The following AAGAB variants were observed in gnomAD, a reference collection of about 807,000 sequenced individuals.
AAGAB encodes the protein alpha and gamma adaptin binding protein.
AAGAB carries 38 observed loss-of-function variants against 44.1 expected under a neutral mutation model. The observed-to-expected ratio is 0.86, with a 90% CI of 0.67 to 1.13. The LOEUF (loss-of-function observed/expected upper bound fraction) is 1.13. Among genes scored for constraint, AAGAB ranks in the 50% most tolerant of loss-of-function variants. AAGAB has a pLI of 0.00. For missense variants in AAGAB, 450 were observed against 373.8 expected, an observed-to-expected ratio of 1.20 and a Z score of -1.68; for synonymous variants, 131 against 131.8, an observed-to-expected ratio of 0.99 and a Z score of 0.04.
chr15:67,209,881 G>A (rs1242160855), intron 5 of AAGAB, among the ~76,000 whole-genome samples: 1 of 152,100 alleles, frequency 6.6e-6, no homozygotes, highest in African/African-American at 2.4e-5. Context: ...TGCCCAGGCT[G>A]GTCTTGAACT....
intron 5 of AAGAB, among the ~76,000 whole-genome samples, chr15:67,223,378 T>A (rs944865297): frequency 2.6e-5 from 4 of 152,230 alleles, no homozygotes; most frequent in African/African-American, 9.6e-5. Context: ...GTTAGCTTCA[T>A]CTTGTAGCTG....
At chr15:67,250,515 G>C (rs565161626) in intron 1 of AAGAB, among the ~76,000 whole-genome samples, 1 of 152,282 alleles carries the variant, frequency 6.6e-6, no homozygotes, top group South Asian at 2.1e-4. Flanking sequence ...TCAAGGGCAG[G>C]AACAGTATCT....
At chr15:67,209,863 C>G (rs971873571) in intron 5 of AAGAB, among the ~76,000 whole-genome samples, 1 of 152,128 alleles carries the variant, frequency 6.6e-6, no homozygotes, top group South Asian at 2.1e-4. Context: ...GACAGGGTCT[C>G]ACTATGTTGC....
At chr15:67,220,365 T>C (rs192036007) in intron 5 of AAGAB, 2 of 152,358 alleles carry the variant, frequency 1.3e-5, no homozygotes, top group African/African-American at 2.4e-5. Flanking sequence ...CTTAGGTAAA[T>C]TAACACTCTG....
At chr15:67,235,895 A>C (rs1964449085) in intron 4 of AAGAB, 84 bp downstream of exon 4, 1 of 1,092,240 alleles carries the variant, frequency 9.2e-7, no homozygotes, top group Non-Finnish European at 1.3e-6. Context: ...AGTTTCTTGA[A>C]TTTTGCTGTG....
At chr15:67,254,842 G>C (rs563959836), upstream of AAGAB, 259 of 1,575,964 alleles carry the variant, frequency 1.6e-4, 1 homozygote, top group South Asian at 2.8e-3. Flanking sequence ...CCGGCTGAAG[G>C]TTTCCGTGCT....
At position 67,202,641 on chromosome 15, in the gene AAGAB, C is replaced by T; in HGVS notation, c.*180G>A. On this transcript the variant is annotated 3_prime_UTR_variant, in exon 10 of 10. Coordinates refer to ENST00000261880, the MANE Select transcript of AAGAB (RefSeq NM_024666.5). ...GTATTCCTCACTCTCTTACAATATA[C>T]TGAGGAAAAAAAAGATTTCTCCTTA... 1 of 604,454 alleles carries T rather than the reference C, an allele frequency of 1.7e-6. No individual in the cohort carries two copies. Among genetic ancestry groups the T allele is most frequent in the Non-Finnish European group, 3.0e-6 (1 of 336,170 alleles). The allele number at this position is 604,454 out of a possible 1,614,324, so 37.4% of individuals were successfully genotyped here. A position where few individuals can be genotyped will look rare whatever the true frequency, so the allele number is the denominator to read the frequency against.
chr15:67,254,600 G>A lies in AAGAB; in HGVS notation c.32C>T (p.Thr11Ile), dbSNP rs771204932. 5 of 1,609,536 alleles carry A rather than the reference G, an allele frequency of 3.1e-6. No individual in the cohort carries two copies. Among genetic ancestry groups the A allele is most frequent in the Non-Finnish European group, 4.2e-6 (5 of 1,178,996 alleles). Residue 11 changes from threonine to isoleucine, a missense_variant, in exon 1 of 10, where the codon ACC becomes ATC. Coordinates refer to ENST00000261880, the MANE Select transcript of AAGAB (RefSeq NM_024666.5). ...TCCTGAGAAGACGGAGGAGCAGCTG[G>A]TGACTAACGCACAGGGTACGCCAGC... MAAGVPCALV[T>I]SCSSVFSGDQ...
rs551866797 is a variant in AAGAB, at chr15:67,238,909, A to T, written c.74-2089T>A. On this transcript the variant is annotated intron_variant, in intron 1 of 9. Transcript: ENST00000261880. ...ACAGGGTTTCACCATGTTAGCCAGG[A>T]TGGTCTCGATCTCCTGACCTCGTGA... 2.0e-5 allele frequency among the ~76,000 whole-genome samples: 3 copies of T among 152,202 alleles called. No homozygotes were observed. In the East Asian group the frequency reaches 5.8e-4, roughly 29 times the overall value.
At chr15:67,248,436 A>C (rs1964781130) in intron 1 of AAGAB, among the ~76,000 whole-genome samples, 1 of 152,198 alleles carries the variant, frequency 6.6e-6, no homozygotes, top group South Asian at 2.1e-4. Flanking sequence ...TACCACAACA[A>C]AATAAGTAAC....
upstream of AAGAB, chr15:67,254,853 T>G (rs751036390): frequency 3.8e-6 from 6 of 1,595,966 alleles, no homozygotes; most frequent in East Asian, 4.6e-5. Context: ...TTTCCGTGCT[T>G]GGAAACCGCG....
At chr15:67,222,236 GCGCGCGCACACACACACACA>G (rs1964087749) in intron 5 of AAGAB, among the ~76,000 whole-genome samples, 1 of 39,234 alleles carries the variant, frequency 2.5e-5, no homozygotes, top group South Asian at 1.0e-3. Context: ...GCGCACGCGC[GCGCGCGCACACACACACACA>G]CACACACACA....
chr15:67,240,018 T>C (rs761776764), intron 1 of AAGAB, among the ~76,000 whole-genome samples: 1 of 152,218 alleles, frequency 6.6e-6, no homozygotes, highest in Non-Finnish European at 1.5e-5. Context: ...TCTTTCCTAC[T>C]ACACCGTGAT....
chr15:67,230,681 T>C (rs903534913), intron 5 of AAGAB, among the ~76,000 whole-genome samples: 2 of 152,176 alleles, frequency 1.3e-5, no homozygotes, highest in African/African-American at 4.8e-5. Flanking sequence ...TTTGTTACCA[T>C]AGCCCTAGGG....
intron 4 of AAGAB, among the ~76,000 whole-genome samples, chr15:67,233,179 G>A (rs997994786): frequency 2.0e-5 from 3 of 152,194 alleles, no homozygotes; most frequent in African/African-American, 7.2e-5. Flanking sequence ...AGAATAATAA[G>A]TGTTATTTTT....
chr15:67,252,197 G>C (rs1319261377), intron 1 of AAGAB, among the ~76,000 whole-genome samples: 6 of 152,092 alleles, frequency 3.9e-5, no homozygotes, highest in Non-Finnish European at 8.8e-5. Context: ...TTCAAGGCAG[G>C]GACCATGTTT....
chr15:67,216,372 G>A (rs1963946160), intron 5 of AAGAB, among the ~76,000 whole-genome samples: 2 of 149,660 alleles, frequency 1.3e-5, no homozygotes, highest in South Asian at 4.2e-4. Context: ...AACCCGGGAG[G>A]TGGAGGTTGC....
chr15:67,244,941 A>C (rs1234971727), intron 1 of AAGAB, among the ~76,000 whole-genome samples: 2 of 152,258 alleles, frequency 1.3e-5, no homozygotes, highest in East Asian at 3.8e-4. Context: ...ATGCAAATCA[A>C]AACCACAATG....
chr15:67,226,843 A>T (rs1964216022), intron 5 of AAGAB: 1 of 189,436 alleles, frequency 5.3e-6, no homozygotes, highest in Admixed American at 5.9e-5. Context: ...TAACACATCC[A>T]ATTTATCTGG....
Sources: gnomAD v4.1 joint callset for allele counts (sites outside exome capture counted in the v4.1 genomes callset) on GRCh38, gnomAD v4.1.1 for gene constraint, MANE v1.5 for transcripts, NCBI Gene and HGNC (gene_info 2026-07-23, HGNC 2026-07-21) for gene names.